PARP6: variants seen among roughly 807,000 people sequenced by gnomAD.
PARP6 encodes the protein poly(ADP-ribose) polymerase family member 6, also known as protein mono-ADP-ribosyltransferase PARP6.
A neutral mutation model predicts 92.0 loss-of-function variants in PARP6; 27 were observed. The ratio of observed to expected loss-of-function variants is 0.29; its 90% CI spans 0.22 to 0.40. PARP6 has a LOEUF of 0.40. Among genes scored for constraint, PARP6 ranks in the 10% least tolerant of loss-of-function variants. The pLI is 1.00. For synonymous variants in PARP6, 272 were observed against 281.2 expected (o/e 0.97, Z 0.33); for missense variants, 501 against 784.5 (o/e 0.64, Z 4.32).
chr15:72,249,617 GA>G (rs1422670889), intron 19 of PARP6, among the ~76,000 whole-genome samples: 1 of 152,176 alleles, frequency 6.6e-6, no homozygotes, highest in Non-Finnish European at 1.5e-5. Flanking sequence ...CAAAAAAGAG[GA>G]ACTACAGAAC....
At chr15:72,243,593 T>C (rs1819386031) in intron 20 of PARP6, 2 of 152,252 alleles carry the variant, frequency 1.3e-5, no homozygotes, top group Admixed American at 6.5e-5. Flanking sequence ...GTTTATAACA[T>C]TTATAGACTC....
Position 72,250,969 on chromosome 15 carries a change from G to A in PARP6, c.1309-15C>T, listed in dbSNP as rs755150336. 36 of 1,584,624 alleles carry A rather than the reference G, an allele frequency of 2.3e-5. No homozygotes were observed. The highest frequency in any genetic ancestry group is 3.5e-6 in the Non-Finnish European group (4 of 1,156,284). On this transcript the variant is annotated splice_polypyrimidine_tract_variant and intron_variant, in intron 17 of 23. Coordinates refer to ENST00000569795, the MANE Select transcript of PARP6 (RefSeq NM_001323532.2). ...ATGAACTTCAGCTGCTGCCCAGGGT[G>A]GGGGTGGAATCAGGAAAACAGAGCA...
intron 20 of PARP6, among the ~76,000 whole-genome samples, chr15:72,247,423 T>TCA (rs1234406733): frequency 6.6e-6 from 1 of 152,004 alleles, no homozygotes; most frequent in African/African-American, 2.4e-5. Flanking sequence ...TCATCCCACG[T>TCA]CAGCCTCCCA....
chr15:72,254,310 T>C, intron 15 of PARP6, 145 bp downstream of exon 15: 1 of 621,188 alleles, frequency 1.6e-6, no homozygotes, highest in Non-Finnish European at 2.9e-6. Flanking sequence ...AGAACAGGAA[T>C]TGGGAAGGTT....
rs35331581 is a variant in PARP6, at chr15:72,246,761, AT to A, written c.1561+2483del. On this transcript the variant is annotated intron_variant, in intron 20 of 23. Coordinates refer to ENST00000569795, the MANE Select transcript of PARP6 (RefSeq NM_001323532.2). ...CTTCTTATTGAACATATTTATTATT[AT>A]TTTTTTTTTTGAGATGGAGTCTTGC... Among the ~76,000 whole-genome samples, 1,455 of 148,908 alleles carry A rather than the reference AT, an allele frequency of 9.8e-3. 28 individuals carry two copies. Among genetic ancestry groups the A allele is most frequent in the African/African-American group, 0.033 (1,352 of 40,602 alleles).
chr15:72,272,223 G>A (rs928064635), intron 1 of PARP6, 170 bp downstream of exon 1: 1 of 152,272 alleles, frequency 6.6e-6, no homozygotes, highest in Non-Finnish European at 1.5e-5. Flanking sequence ...TCCCGGGGAA[G>A]CAGTTACACC....
chr15:72,253,926 A>G, intron 15 of PARP6: 1 of 435,682 alleles, frequency 2.3e-6, no homozygotes, highest in Non-Finnish European at 4.6e-6. Flanking sequence ...TGTGATATAC[A>G]GGATTTGCTG....
intron 18 of PARP6, chr15:72,250,581 C>A (rs2084212660): frequency 6.7e-6 from 3 of 447,892 alleles, no homozygotes; most frequent in Non-Finnish European, 1.2e-5. Flanking sequence ...GCTTTCAGAT[C>A]TGTTCTCTCC....
At chr15:72,256,968 CCT>C (rs1222581106) in intron 13 of PARP6, among the ~76,000 whole-genome samples, 2 of 152,150 alleles carry the variant, frequency 1.3e-5, no homozygotes, top group African/African-American at 4.8e-5. Flanking sequence ...GCCTCGACCT[CCT>C]GAGCTCAAGC....
chr15:72,254,234 CA>C (rs1325510146), intron 15 of PARP6, among the ~76,000 whole-genome samples: 2 of 151,764 alleles, frequency 1.3e-5, no homozygotes, highest in Non-Finnish European at 2.9e-5. Context: ...GAATTAACAG[CA>C]AAGGTAAAGA....
At position 72,250,880 on chromosome 15, in the gene PARP6, G is replaced by T; in HGVS notation, c.1383C>A (p.Thr461=). ...SPPAKEARFR[T]AKKLYGSTFA... Reference sequence around the variant, plus strand: ...AGGTGCTGCCATAGAGCTTCTTGGCGGTCCGGAACCGAGCCTCCTTGGCAG... The same window carrying T: ...AGGTGCTGCCATAGAGCTTCTTGGCTGTCCGGAACCGAGCCTCCTTGGCAG... The change falls in exon 18 of 24, where the codon ACC becomes ACA. Residue 461 remains threonine, a synonymous_variant. Transcript: ENST00000569795. 1 of 1,613,212 alleles carries T rather than the reference G, an allele frequency of 6.2e-7. No individual in the cohort carries two copies. The highest frequency in any genetic ancestry group is 2.2e-5 in the East Asian group (1 of 44,846).
intron 2 of PARP6, among the ~76,000 whole-genome samples, chr15:72,270,776 A>AT (rs1301629385): frequency 6.6e-6 from 1 of 152,004 alleles, no homozygotes; most frequent in Non-Finnish European, 1.5e-5. Flanking sequence ...TCCCAGCTTT[A>AT]TTTTTTTCCA....
chr15:72,251,269 GA>G lies in PARP6; in HGVS notation c.1260-15del, dbSNP rs749283159. ...CTAGAGATGATCCTGGGAAGAAACA[GA>G]AAAAAATAAAAAGGATAGAATAATT... On this transcript the variant is annotated splice_polypyrimidine_tract_variant and intron_variant, in intron 16 of 23. Coordinates refer to ENST00000569795, the MANE Select transcript of PARP6 (RefSeq NM_001323532.2). 6 of 1,534,588 alleles carry G rather than the reference GA, an allele frequency of 3.9e-6. No individual in the cohort carries two copies. Among genetic ancestry groups the G allele is most frequent in the Non-Finnish European group, 5.4e-6 (6 of 1,118,192 alleles).
chr15:72,242,102 C>G lies in PARP6; in HGVS notation c.1705+55G>C. 1.3e-6 allele frequency: 2 copies of G among 1,548,226 alleles called. No individual in the cohort carries two copies. The highest frequency in any genetic ancestry group is 8.9e-7 in the Non-Finnish European group (1 of 1,120,218). On this transcript the variant is annotated intron_variant, in intron 22 of 23. Transcript: ENST00000569795. The surrounding 1 kb of genome is among the most constrained non-coding windows in gnomAD (Gnocchi z 4.3). ...TTGGCCAGATCATGTGCCAAAATTA[C>G]ATCAGAAACAAAGGTTAGAGACCCA...
rs2086413050 is a variant in PARP6 at position 72,265,158 on chromosome 15, G to A, written c.251C>T (p.Thr84Ile). ...TTCTGTCCGGAGGACCTTCCAGGCT[G>A]TAGAGACTTCCTCCTAAAAGAAGAA... Reference protein sequence around the residue: ...NISFLDEEVSTAWKVLRTEPI... With the variant: ...NISFLDEEVSIAWKVLRTEPI... The change falls in exon 7 of 24, where the codon ACA becomes ATA. Residue 84 changes from threonine to isoleucine, a missense_variant. Physicochemically the swap from Thr to Ile is moderately conservative, Grantham distance 89. Around this residue, in one of 4 missense-constraint regions of PARP6, gnomAD observed 291 missense variants for 352.0 expected, o/e 0.83. Coordinates refer to ENST00000569795, the MANE Select transcript of PARP6 (RefSeq NM_001323532.2). 2 of 1,611,138 alleles carry A rather than the reference G, an allele frequency of 1.2e-6. No homozygotes were observed. The highest frequency in any genetic ancestry group is 1.3e-5 in the African/African-American group (1 of 74,864).
intron 11 of PARP6, among the ~76,000 whole-genome samples, chr15:72,259,270 G>A (rs1251676157): frequency 1.3e-5 from 2 of 152,228 alleles, no homozygotes; most frequent in Non-Finnish European, 2.9e-5. Context: ...AAGGGGGTCT[G>A]TGAAGAATAC....
In PARP6 at chr15:72,267,511, T is replaced by A. The variant is rs760566399; in HGVS notation, c.-34A>T. 6.2e-7 allele frequency: 1 copy of A among 1,613,774 alleles called. No homozygotes were observed. ...TGGGTCACACACACTCTCAGGTCAGTGCTAGGCAGCACCCCTCCATACCAC... is the reference window on the plus strand; with the variant it reads ...TGGGTCACACACACTCTCAGGTCAGAGCTAGGCAGCACCCCTCCATACCAC... On this transcript the variant is annotated 5_prime_UTR_variant, in exon 3 of 24. Coordinates refer to ENST00000569795, the MANE Select transcript of PARP6 (RefSeq NM_001323532.2).
rs755364269 is a variant in PARP6, at chr15:72,241,393, A to G, written c.*62T>C. On this transcript the variant is annotated 3_prime_UTR_variant, in exon 24 of 24. Transcript: ENST00000569795. The surrounding 1 kb of genome is among the most constrained non-coding windows in gnomAD (Gnocchi z 4.1). ...GGGCAGCCTCAGCTGCTGTACCTGA[A>G]CACTTTTATGAGGGCAGATGGATCC... 8.5e-6 allele frequency: 10 copies of G among 1,179,862 alleles called. No homozygotes were observed. The highest frequency in any genetic ancestry group is 1.5e-5 in the African/African-American group (1 of 66,602). The allele number at this position is 1,179,862 out of a possible 1,614,324, so 73.1% of individuals were successfully genotyped here. A position where few individuals can be genotyped will look rare whatever the true frequency, so the allele number is the denominator to read the frequency against.
intron 8 of PARP6, among the ~76,000 whole-genome samples, chr15:72,263,886 G>T (rs960593840): frequency 6.6e-6 from 1 of 152,022 alleles, no homozygotes; most frequent in African/African-American, 2.4e-5. Flanking sequence ...AGCCGGGCAT[G>T]GTGGTGGGTG....
Sources: gnomAD v4.1 joint callset for allele counts (sites outside exome capture counted in the v4.1 genomes callset) on GRCh38, gnomAD v4.1.1 for gene constraint, gnomAD v4.1.1 regional missense constraint, Gnocchi (gnomAD v3.1) non-coding constraint, MANE v1.5 for transcripts, NCBI Gene and HGNC (gene_info 2026-07-23, HGNC 2026-07-21) for gene names.